Variants in RIMS1 observed in about 807,000 individuals in gnomAD.
RIMS1 encodes the protein regulating synaptic membrane exocytosis 1.
RIMS1 carries 83 observed loss-of-function variants against 214.1 expected under a neutral mutation model. That is an observed-to-expected ratio of 0.39 (90% CI 0.32 to 0.47). The LOEUF (loss-of-function observed/expected upper bound fraction) is 0.47. RIMS1 is among the 20% of genes least tolerant of loss of function. The pLI is 0.99. For synonymous variants in RIMS1, 793 were observed against 786.8 expected (o/e 1.01, Z -0.13); for missense variants, 2,050 against 2,161.8 (o/e 0.95, Z 1.03).
chr6:72,051,555 C>A (rs1049443558), intron 2 of RIMS1, among the ~76,000 whole-genome samples: 1 of 152,202 alleles, frequency 6.6e-6, no homozygotes, highest in Non-Finnish European at 1.5e-5. Context: ...CTAGTCGTGG[C>A]TTGTGAAAGC....
intron 29 of RIMS1, among the ~76,000 whole-genome samples, chr6:72,361,782 G>T (rs1042529921): frequency 1.5e-4 from 23 of 152,066 alleles, no homozygotes; most frequent in African/African-American, 5.6e-4. Flanking sequence ...CATCACTTCT[G>T]CCTCCCTCTT....
chr6:72,037,365 G>A (rs1819939428), intron 2 of RIMS1, among the ~76,000 whole-genome samples: 1 of 152,030 alleles, frequency 6.6e-6, no homozygotes, highest in Admixed American at 6.6e-5. Flanking sequence ...ATGTAATCCA[G>A]GGCTTTTGCT....
rs143371905 is a variant in RIMS1 at position 72,031,187 on chromosome 6, A to G, written c.245+62124A>G. ...GATGGTCATAAATAGCAATAAGAAC[A>G]AACTATAAGATGACAGCTTGAAGCT... On this transcript the variant is annotated intron_variant, in intron 2 of 33. Coordinates refer to ENST00000521978, the MANE Select transcript of RIMS1 (RefSeq NM_014989.7). Among the ~76,000 whole-genome samples the G allele has an allele frequency of 1.9e-3, 283 of 152,318 alleles. 11 individuals are homozygous for G. The highest frequency in any genetic ancestry group is 0.017 in the Admixed American group (266 of 15,288).
intron 2 of RIMS1, among the ~76,000 whole-genome samples, chr6:71,973,429 G>T (rs932730681): frequency 1.3e-5 from 2 of 152,116 alleles, no homozygotes; most frequent in African/African-American, 4.8e-5. Flanking sequence ...TGTGTCAATG[G>T]GGCTCCGGGT....
At position 72,258,852 on chromosome 6, in the gene RIMS1, G is replaced by C. The variant is rs147604382; in HGVS notation, c.2928-134G>C. The C allele has an allele frequency of 3.6e-6, 3 of 831,824 alleles. No homozygotes were observed. In the African/African-American group the frequency reaches 5.1e-5, roughly 14 times the overall value. The allele number at this position is 831,824 out of a possible 1,614,324, so 51.5% of individuals were successfully genotyped here. On this transcript the variant is annotated intron_variant, in intron 17 of 33. Coordinates refer to ENST00000521978, the MANE Select transcript of RIMS1 (RefSeq NM_014989.7). The stretch of plus-strand genomic sequence containing the variant: ...ACAAATACCCTTAACTCATTGATAA[G>C]TAGGTTTTGATTATGATGCAAATAC...
chr6:71,952,718 G>A (rs957735828), intron 1 of RIMS1, among the ~76,000 whole-genome samples: 1 of 152,166 alleles, frequency 6.6e-6, no homozygotes, highest in African/African-American at 2.4e-5. Flanking sequence ...TAATGATTCT[G>A]GAGCAGAGAG....
rs1361177377 is a variant in RIMS1, at chr6:72,401,573, CT to C, written c.*860del. 1 of 152,582 alleles carries C rather than the reference CT, an allele frequency of 6.6e-6. No homozygotes were observed. Among genetic ancestry groups the C allele is most frequent in the Non-Finnish European group, 1.5e-5 (1 of 68,028 alleles). 9.5% of individuals were successfully genotyped at this position (152,582 alleles called of 1,614,324 possible). A position where few individuals can be genotyped will look rare whatever the true frequency, so the allele number is the denominator to read the frequency against. The stretch of plus-strand genomic sequence containing the variant: ...TAAAGAAGTCAATCTGCAACTAATG[CT>C]GGGGACTAAAACTAACTGCATAATT... On this transcript the variant is annotated 3_prime_UTR_variant, in exon 34 of 34. Coordinates refer to ENST00000521978, the MANE Select transcript of RIMS1 (RefSeq NM_014989.7).
At chr6:72,230,475 G>T (rs901212485) in intron 6 of RIMS1, among the ~76,000 whole-genome samples, 3 of 151,512 alleles carry the variant, frequency 2.0e-5, no homozygotes, top group East Asian at 1.9e-4. Context: ...TAGAGGAATG[G>T]TTTTTTTATA....
chr6:72,268,750 G>C (rs2154181033), intron 22 of RIMS1, among the ~76,000 whole-genome samples: 1 of 152,286 alleles, frequency 6.6e-6, no homozygotes, highest in Non-Finnish European at 1.5e-5. Flanking sequence ...TTTAGTTTAG[G>C]AGCACCTCCA....
intron 4 of RIMS1, among the ~76,000 whole-genome samples, chr6:72,109,815 T>A (rs1468556195): frequency 6.6e-6 from 1 of 152,136 alleles, no homozygotes; most frequent in Non-Finnish European, 1.5e-5. Flanking sequence ...GGTTTTCTTC[T>A]AGGGTTTTTA....
intron 27 of RIMS1, among the ~76,000 whole-genome samples, chr6:72,307,677 G>A (rs1282442265): frequency 6.6e-6 from 1 of 152,034 alleles, no homozygotes; most frequent in East Asian, 1.9e-4. Context: ...AACCTGGGAG[G>A]CGGAAGTTGC....
chr6:71,991,960 G>A (rs908700673), intron 2 of RIMS1, among the ~76,000 whole-genome samples: 6 of 152,108 alleles, frequency 3.9e-5, no homozygotes, highest in Non-Finnish European at 8.8e-5. Context: ...AGCTACTTGG[G>A]AGGCTGAGGC....
intron 2 of RIMS1, among the ~76,000 whole-genome samples, chr6:72,001,948 G>A (rs1805403889): frequency 6.6e-6 from 1 of 152,098 alleles, no homozygotes; most frequent in Non-Finnish European, 1.5e-5. Context: ...AGCTTAAAAT[G>A]TTCATTTTAT....
intron 29 of RIMS1, among the ~76,000 whole-genome samples, chr6:72,352,550 G>C (rs968118041): frequency 6.6e-6 from 1 of 152,026 alleles, no homozygotes; most frequent in East Asian, 1.9e-4. Flanking sequence ...AAGTATAAAG[G>C]CTCACATTTA....
rs889238672 is a variant in RIMS1 at position 72,258,002 on chromosome 6, C to A, written c.2771-123C>A. ...TTTTTGAAGATAAGGCTATTAATACCGATTGCATGACATTTATTCTTCATA... is the reference window on the plus strand; with the variant it reads ...TTTTTGAAGATAAGGCTATTAATACAGATTGCATGACATTTATTCTTCATA... On this transcript the variant is annotated intron_variant, in intron 16 of 33. Coordinates refer to ENST00000521978, the MANE Select transcript of RIMS1 (RefSeq NM_014989.7). The A allele has an allele frequency of 3.6e-6, 3 of 828,078 alleles. No individual in the cohort carries two copies. The South Asian group carries it at 5.2e-5, about 14-fold the overall frequency. The allele number at this position is 828,078 out of a possible 1,614,324, so 51.3% of individuals were successfully genotyped here. A position where few individuals can be genotyped will look rare whatever the true frequency, so the allele number is the denominator to read the frequency against.
intron 9 of RIMS1, among the ~76,000 whole-genome samples, chr6:72,241,746 C>A (rs117729794): frequency 8.5e-5 from 13 of 152,112 alleles, no homozygotes; most frequent in African/African-American, 3.1e-4. Flanking sequence ...TAGCTACCTG[C>A]GTTAACTGAT....
chr6:72,262,886 C>G, intron 19 of RIMS1: 1 of 554,376 alleles, frequency 1.8e-6, no homozygotes, highest in South Asian at 8.2e-5. Flanking sequence ...AGGAAAATAA[C>G]ATTTATTTAA....
At chr6:71,921,244 C>G (rs974203959) in intron 1 of RIMS1, among the ~76,000 whole-genome samples, 14 of 152,172 alleles carry the variant, frequency 9.2e-5, no homozygotes, top group African/African-American at 3.1e-4. Context: ...CCTCAGCCTC[C>G]TGAGTAGCTG....
At chr6:71,979,333 A>T (rs1339658085) in intron 2 of RIMS1, among the ~76,000 whole-genome samples, 1 of 152,004 alleles carries the variant, frequency 6.6e-6, no homozygotes, top group Non-Finnish European at 1.5e-5. Flanking sequence ...AGATTTGATG[A>T]TGCTTGTACT....
Sources: gnomAD v4.1 joint callset for allele counts (sites outside exome capture counted in the v4.1 genomes callset) on GRCh38, gnomAD v4.1.1 for gene constraint, MANE v1.5 for transcripts, NCBI Gene and HGNC (gene_info 2026-07-23, HGNC 2026-07-21) for gene names.